Variants in SYT10 observed in about 807,000 individuals in gnomAD.
The protein encoded by SYT10 is synaptotagmin-10.
SYT10 carries 31 observed loss-of-function variants against 51.1 expected under a neutral mutation model. The ratio of observed to expected loss-of-function variants is 0.61; its 90% CI spans 0.46 to 0.82. The LOEUF (loss-of-function observed/expected upper bound fraction) is 0.82, where lower values mean the gene tolerates loss of function less well. Ranked by LOEUF, SYT10 falls within the 40% of genes least tolerant of loss-of-function variation. The probability of loss-of-function intolerance (pLI) is 0.00; values close to 1 mark genes in which losing one functional copy is unlikely to be tolerated. For missense variants in SYT10, 603 were observed against 634.0 expected, an observed-to-expected ratio of 0.95 and a Z score of 0.53; for synonymous variants, 233 against 225.9, an observed-to-expected ratio of 1.03 and a Z score of -0.28.
intron 2 of SYT10, among the ~76,000 whole-genome samples, chr12:33,408,691 G>T (rs150733513): frequency 1.3e-5 from 2 of 152,068 alleles, no homozygotes; most frequent in Non-Finnish European, 2.9e-5. Context: ...TTCTAGTCCC[G>T]TATCTCTAAA....
intron 3 of SYT10, among the ~76,000 whole-genome samples, chr12:33,392,789 G>A (rs776482149): frequency 1.3e-5 from 2 of 151,586 alleles, no homozygotes; most frequent in Non-Finnish European, 1.5e-5. Context: ...CAAAGAACAT[G>A]GCTGTGTTAG....
rs774911041 is a variant in SYT10 at position 33,385,211 on chromosome 12, C to T, written c.1158G>A (p.Lys386=). ...TATCCATCGCCTTCAGATTTCTGCA[C>T]TTAATGACTGTCAATGTCATACGCC... The part of the protein sequence containing the change: ...TAGRMTLTVI[K]CRNLKAMDIT... Residue 386 remains lysine (K), a synonymous_variant, in exon 4 of 7, where the codon AAG becomes AAA. Transcript: ENST00000228567. The T allele has an allele frequency of 3.7e-6, 6 of 1,613,570 alleles. No homozygotes were observed. The highest frequency in any genetic ancestry group is 5.1e-6 in the Non-Finnish European group (6 of 1,179,776).
chr12:33,399,705 T>G (rs1866285949), intron 3 of SYT10, among the ~76,000 whole-genome samples: 1 of 152,216 alleles, frequency 6.6e-6, no homozygotes, highest in African/African-American at 2.4e-5. Context: ...CTTTGGGAAC[T>G]GAACTCTCAT....
intron 3 of SYT10, among the ~76,000 whole-genome samples, chr12:33,388,306 G>A (rs1866175678): frequency 6.6e-6 from 1 of 152,058 alleles, no homozygotes; most frequent in South Asian, 2.1e-4. Flanking sequence ...TATATGTTCT[G>A]TTCAAGAAAA....
At position 33,394,529 on chromosome 12, in the gene SYT10, G is replaced by T. The variant is rs1216469082; in HGVS notation, c.1078-9238C>A. On this transcript the variant is annotated intron_variant, in intron 3 of 6. Transcript: ENST00000228567. ...TGTTTTCTCTATGTGCAACATGCTA[G>T]CATGTCAGGGATAACTGACAATTAG... 3.3e-5 allele frequency among the ~76,000 whole-genome samples: 5 copies of T among 152,172 alleles called. No individual in the cohort carries two copies. In the East Asian group the frequency reaches 9.6e-4, roughly 29 times the overall value.
intron 2 of SYT10, among the ~76,000 whole-genome samples, chr12:33,423,316 G>GT (rs1866521935): frequency 6.6e-6 from 1 of 151,882 alleles, no homozygotes; most frequent in South Asian, 2.1e-4. Flanking sequence ...GTGTGTGTGT[G>GT]TGTGTGCATC....
chr12:33,425,964 A>G (rs1344441643), intron 2 of SYT10, among the ~76,000 whole-genome samples, 174 bp downstream of exon 2: 10 of 150,414 alleles, frequency 6.6e-5, no homozygotes, highest in African/African-American at 2.5e-4. Context: ...ACTCTGTCCT[A>G]CCCTTTCTCT....
At chr12:33,426,571 T>A (rs1403184691) in intron 1 of SYT10, 76 bp from the exon 2 acceptor site, 1 of 1,198,198 alleles carries the variant, frequency 8.3e-7, no homozygotes, top group East Asian at 2.7e-5. Context: ...ATATTTTACA[T>A]CATAATTGTT....
At chr12:33,424,860 C>T (rs1433991734) in intron 2 of SYT10, among the ~76,000 whole-genome samples, 1 of 151,736 alleles carries the variant, frequency 6.6e-6, no homozygotes, top group African/African-American at 2.4e-5. Context: ...CTCAGGAAAA[C>T]TTGTCAAAAT....
chr12:33,376,486 C>T lies in SYT10; in HGVS notation c.*344G>A. 1 of 246,686 alleles carries T rather than the reference C, an allele frequency of 4.1e-6. No individual in the cohort carries two copies. Among genetic ancestry groups the T allele is most frequent in the East Asian group, 8.2e-5 (1 of 12,218 alleles). 15.3% of individuals were successfully genotyped at this position (246,686 alleles called of 1,614,324 possible). A position where few individuals can be genotyped will look rare whatever the true frequency, so the allele number is the denominator to read the frequency against. On this transcript the variant is annotated 3_prime_UTR_variant, in exon 7 of 7. Coordinates refer to ENST00000228567, the MANE Select transcript of SYT10 (RefSeq NM_198992.4). ...CATATATGACATGTGCTACTTTATA[C>T]AATAGCAGCATAAACTATATTTAAT...
At chr12:33,400,906 T>C (rs1225041846) in intron 3 of SYT10, among the ~76,000 whole-genome samples, 1 of 151,826 alleles carries the variant, frequency 6.6e-6, no homozygotes, top group African/African-American at 2.4e-5. Flanking sequence ...CATGCTGTAA[T>C]ACCAGCTAAT....
At chr12:33,420,250 G>C (rs1482632336) in intron 2 of SYT10, among the ~76,000 whole-genome samples, 1 of 152,164 alleles carries the variant, frequency 6.6e-6, no homozygotes, top group African/African-American at 2.4e-5. Flanking sequence ...TTATGGCAGA[G>C]AGTATTATTC....
chr12:33,439,602 G>A lies in SYT10; in HGVS notation c.-80C>T. 2 of 1,519,622 alleles carry A rather than the reference G, an allele frequency of 1.3e-6. No homozygotes were observed. Among genetic ancestry groups the A allele is most frequent in the Non-Finnish European group, 1.8e-6 (2 of 1,125,642 alleles). The allele number at this position is 1,519,622 out of a possible 1,614,324, so 94.1% of individuals were successfully genotyped here. A position where few individuals can be genotyped will look rare whatever the true frequency, so the allele number is the denominator to read the frequency against. ...TTCCCGTACCTCTAACCCCTCTGGC[G>A]CCCTAAGCCATAGTCCGCCCGCGGT... is the stretch of plus-strand genomic sequence containing the variant. On this transcript the variant is annotated 5_prime_UTR_variant, in exon 1 of 7. Transcript: ENST00000228567.
chr12:33,385,196 C>T lies in SYT10; in HGVS notation c.1173G>A (p.Lys391=), dbSNP rs1866146904. The T allele has an allele frequency of 6.2e-7, 1 of 1,613,694 alleles. No homozygotes were observed. Among genetic ancestry groups the T allele is most frequent in the African/African-American group, 1.3e-5 (1 of 74,994 alleles). The change falls in exon 4 of 7, where the codon AAG becomes AAA. Residue 391 remains lysine (K), a synonymous_variant. Coordinates refer to ENST00000228567, the MANE Select transcript of SYT10 (RefSeq NM_198992.4). ...CTGATGAGCCAGTAATATCCATCGC[C>T]TTCAGATTTCTGCACTTAATGACTG... ...TLTVIKCRNL[K]AMDITGSSDP... is the part of the protein sequence containing the mutation.
chr12:33,429,229 T>C (rs1231586656), intron 1 of SYT10, among the ~76,000 whole-genome samples: 1 of 152,218 alleles, frequency 6.6e-6, no homozygotes, highest in Non-Finnish European at 1.5e-5. Context: ...AAGAGAATAG[T>C]TCTGGATGCC....
At chr12:33,400,841 C>A in intron 3 of SYT10, among the ~76,000 whole-genome samples, 1 of 152,044 alleles carries the variant, frequency 6.6e-6, no homozygotes, top group East Asian at 1.9e-4. Context: ...GCCTGGCCAA[C>A]ACGGTGAAAC....
At chr12:33,412,702 A>C (rs1866417408) in intron 2 of SYT10, among the ~76,000 whole-genome samples, 1 of 152,184 alleles carries the variant, frequency 6.6e-6, no homozygotes. Flanking sequence ...ATCATCAAAG[A>C]CCAAAGGTAG....
intron 5 of SYT10, among the ~76,000 whole-genome samples, chr12:33,381,585 T>C (rs1414094680): frequency 6.6e-6 from 1 of 151,992 alleles, no homozygotes; most frequent in Non-Finnish European, 1.5e-5. Context: ...AGAGGATTGG[T>C]CAGCAAAGCA....
In SYT10 at chr12:33,376,657, A is replaced by G. The variant is rs1866064825; in HGVS notation, c.*173T>C. 7 of 684,624 alleles carry G rather than the reference A, an allele frequency of 1.0e-5. No homozygotes were observed. In the South Asian group the frequency reaches 1.4e-4, roughly 14 times the overall value. The allele number at this position is 684,624 out of a possible 1,614,324, so 42.4% of individuals were successfully genotyped here. On this transcript the variant is annotated 3_prime_UTR_variant, in exon 7 of 7. Transcript: ENST00000228567. The stretch of plus-strand genomic sequence containing the variant: ...GACTATATGTATTCAAGTAAAATGT[A>G]TTGATGTTCAAAGTTAAAAAATCAA...
Sources: allele counts gnomAD v4.1 joint callset (sites outside exome capture counted in the v4.1 genomes callset), GRCh38; gene constraint gnomAD v4.1.1; transcripts MANE v1.5; gene names NCBI Gene and HGNC (gene_info 2026-07-23, HGNC 2026-07-21).